The following FBN3 variants were observed in gnomAD, a reference collection of about 807,000 sequenced individuals.
FBN3 encodes the protein fibrillin 3.
Under a neutral mutation model 330.1 loss-of-function variants are expected in FBN3, and 234 were observed. The ratio of observed to expected loss-of-function variants is 0.71; its 90% confidence interval spans 0.64 to 0.79. The LOEUF (loss-of-function observed/expected upper bound fraction) is 0.79, where lower values mean the gene tolerates loss of function less well. Ranked by LOEUF, FBN3 falls within the 30% of genes least tolerant of loss-of-function variation. The pLI is 0.00. For synonymous variants in FBN3, 1,458 were observed against 1,517.3 expected, an observed-to-expected ratio of 0.96 and a Z score of 0.91; for missense variants, 3,606 against 3,886.9, an observed-to-expected ratio of 0.93 and a Z score of 1.92.
intron 63 of FBN3, among the ~76,000 whole-genome samples, chr19:8,069,542 C>G (rs1028935742): frequency 6.6e-6 from 1 of 152,164 alleles, no homozygotes; most frequent in Non-Finnish European, 1.5e-5. Context: ...GACTTATGCT[C>G]TTACTGACCC....
chr19:8,096,181 A>T lies in FBN3; in HGVS notation c.5540-101T>A. 1 of 959,812 alleles carries T rather than the reference A, an allele frequency of 1.0e-6. No homozygotes were observed. Among genetic ancestry groups the T allele is most frequent in the Non-Finnish European group, 1.7e-6 (1 of 594,354 alleles). 59.5% of individuals were successfully genotyped at this position (959,812 alleles called of 1,614,324 possible). A position where few individuals can be genotyped will look rare whatever the true frequency, so the allele number is the denominator to read the frequency against. ...GACCTAGCACTCCTCCCCTGCACCT[A>T]GCCCTGCCTAGATGACTGGGCAGTG... On this transcript the variant is annotated intron_variant, in intron 44 of 63. Coordinates refer to ENST00000600128, the MANE Select transcript of FBN3 (RefSeq NM_032447.5). This position sits in a 1 kb window ranked among gnomAD's most constrained non-coding sequence, Gnocchi z 4.6.
At position 8,138,278 on chromosome 19, in the gene FBN3, C is replaced by T. The variant is rs769165509; in HGVS notation, c.1064G>A (p.Gly355Asp). The T allele has an allele frequency of 3.1e-6, 5 of 1,612,762 alleles. No individual in the cohort carries two copies. The East Asian group carries it at 8.9e-5, about 29-fold the overall frequency. Residue 355 changes from glycine to aspartate, a missense_variant, in exon 10 of 64, where the codon GGC (glycine) becomes GAC (aspartate). By Grantham distance (94) the Gly-to-Asp change is moderately conservative. Transcript: ENST00000600128. ...LCAQRLPLLP[G>D]HPGLFPGLLG... ...GAGGCCAGGGAAGAGGCCAGGGTGG[C>T]CGGGTAGCAGCGGCAGCCGCTGGGC...
chr19:8,115,235 AT>A (rs1200623513), intron 30 of FBN3, among the ~76,000 whole-genome samples: 5 of 152,186 alleles, frequency 3.3e-5, no homozygotes, highest in Non-Finnish European at 7.3e-5. Context: ...CACTATTCAA[AT>A]GTTTAAGTGT....
Position 8,087,186 on chromosome 19 carries a change from C to T in FBN3, c.6645G>A (p.Gln2215=), listed in dbSNP as rs558244473. Residue 2215 remains glutamine (Q), a synonymous_variant, in exon 54 of 64, where the codon CAG becomes CAA. Coordinates refer to ENST00000600128, the MANE Select transcript of FBN3 (RefSeq NM_032447.5). ...CCATGCCCCGGGCGTGGCAGTCCTGCTGACCATCTGCACACTCGTCCACAT... is the reference window on the plus strand; with the variant it reads ...CCATGCCCCGGGCGTGGCAGTCCTGTTGACCATCTGCACACTCGTCCACAT... ...CRDVDECADG[Q]QDCHARGMEC... The T allele has an allele frequency of 1.2e-6, 2 of 1,603,958 alleles. No homozygotes were observed. Among genetic ancestry groups the T allele is most frequent in the South Asian group, 2.2e-5 (2 of 90,402 alleles).
Position 8,091,460 on chromosome 19 carries a change from CT to C in FBN3, c.6031+4del. 1 of 1,614,094 alleles carries C rather than the reference CT, an allele frequency of 6.2e-7. No individual in the cohort carries two copies. Among genetic ancestry groups the C allele is most frequent in the South Asian group, 1.1e-5 (1 of 91,080 alleles). ...CCCTCTTCCCTAAGCCCTGTGTGGA[CT>C]TACCAAAGCAACGGTGCCCATTGTC... is the stretch of plus-strand genomic sequence containing the variant. On this transcript the variant is annotated splice_donor_region_variant and intron_variant, in intron 48 of 63. Transcript: ENST00000600128.
At chr19:8,143,497 C>CTTTTTTTTTTTTTTTTTTTTT (rs557671451) in intron 6 of FBN3, among the ~76,000 whole-genome samples, 2 of 126,100 alleles carry the variant, frequency 1.6e-5, no homozygotes, top group African/African-American at 3.1e-5. Flanking sequence ...CTTTTCTTTT[C>CTTTTTTTTTTTTTTTTTTTTT]TTTTTTTTTT....
chr19:8,145,943 G>A lies in FBN3; in HGVS notation c.350-5C>T, dbSNP rs2083533382. 1.9e-6 allele frequency: 3 copies of A among 1,550,678 alleles called. No homozygotes were observed. Among genetic ancestry groups the A allele is most frequent in the Non-Finnish European group, 2.6e-6 (3 of 1,146,516 alleles). ...AGCTCACACTGCACCCTGACCCTGG[G>A]GACAGGAAGGCAGGACGCATAGTAA... On this transcript the variant is annotated splice_polypyrimidine_tract_variant and splice_region_variant and intron_variant, in intron 4 of 63. Coordinates refer to ENST00000600128, the MANE Select transcript of FBN3 (RefSeq NM_032447.5).
At chr19:8,108,057 A>T (rs1302667467) in intron 37 of FBN3, 113 bp downstream of exon 37, 1 of 807,656 alleles carries the variant, frequency 1.2e-6, no homozygotes, top group East Asian at 2.7e-5. Context: ...AGGTGGAAAG[A>T]TCTGCCCCAT....
At position 8,072,129 on chromosome 19, in the gene FBN3, C is replaced by A; in HGVS notation, c.8007G>T (p.Ser2669=). 1 of 1,609,450 alleles carries A rather than the reference C, an allele frequency of 6.2e-7. No individual in the cohort carries two copies. Among genetic ancestry groups the A allele is most frequent in the Non-Finnish European group, 8.5e-7 (1 of 1,178,278 alleles). The change falls in exon 63 of 64, where the codon TCG becomes TCT. Residue 2669 remains serine (S), a synonymous_variant. Coordinates refer to ENST00000600128, the MANE Select transcript of FBN3 (RefSeq NM_032447.5). ...QDTPDKEELL[S]SEACYECKIN... ...TCTTGCATTCGTAGCAGGCTTCAGA[C>A]GAGAGCAGCTCCTCTTTGTCCGGGG...
intron 13 of FBN3, 25 bp downstream of exon 13, chr19:8,135,936 G>GGGGGGGGGCGGGCCCCCCCCCCCCC: frequency 1.5e-6 from 1 of 668,778 alleles, no homozygotes; most frequent in Non-Finnish European, 2.4e-6. Flanking sequence ...GGAAGCCCCT[G>GGGGGGGGGCGGGCCCCCCCCCCCCC]CCCACCCGCC....
intron 1 of FBN3, chr19:8,147,879 G>A (rs902712048): frequency 6.2e-6 from 1 of 162,050 alleles, no homozygotes; most frequent in East Asian, 1.7e-4. Context: ...TGAGTGGGAG[G>A]AGCAAGGTCA....
At position 8,097,313 on chromosome 19, in the gene FBN3, TG is replaced by T. The variant is rs1362445014; in HGVS notation, c.5262del (p.Tyr1754Ter). 6 of 1,609,742 alleles carry T rather than the reference TG, an allele frequency of 3.7e-6. No homozygotes were observed. Among genetic ancestry groups the T allele is most frequent in the Admixed American group, 3.3e-5 (2 of 59,764 alleles). On this transcript the variant is annotated frameshift_variant, in exon 42 of 64. Coordinates refer to ENST00000600128, the MANE Select transcript of FBN3 (RefSeq NM_032447.5). LOFTEE classifies it high-confidence loss of function. ...CCTTCACAAGCCAGCAGGATGCTGT[TG>T]TAGTTGAAGCCTGCGGGGCACTCGC... is the stretch of plus-strand genomic sequence containing the variant. Reference protein sequence around the residue: ...FRCECPAGFNYNSILLACEDV... With the variant: ...FRCECPAGFNXNSILLACEDV...
chr19:8,083,810 T>C (rs78830562), intron 56 of FBN3, among the ~76,000 whole-genome samples: 20 of 105,218 alleles, frequency 1.9e-4, no homozygotes, highest in South Asian at 5.8e-4. Context: ...TTTTTCTTTT[T>C]TTTTTTTTTT....
chr19:8,134,394 T>C (rs1448291356), intron 13 of FBN3, among the ~76,000 whole-genome samples: 6 of 152,212 alleles, frequency 3.9e-5, no homozygotes, highest in South Asian at 2.1e-4. Context: ...TCTATTCATG[T>C]AATGGAACAT....
chr19:8,079,589 A>ATTGT (rs113805006), intron 59 of FBN3, among the ~76,000 whole-genome samples: 3,615 of 150,766 alleles, frequency 0.024, 62 homozygotes, highest in Non-Finnish European at 0.037. Context: ...TATTCTGTTA[A>ATTGT]TTGTTTGTTT....
chr19:8,089,468 G>A (rs2082043360), intron 51 of FBN3, 77 bp downstream of exon 51: 1 of 1,559,004 alleles, frequency 6.4e-7, no homozygotes, highest in South Asian at 1.2e-5. Context: ...GCCTGGGGGT[G>A]TCTTCCCTGC....
At chr19:8,126,914 C>T (rs531774012) in intron 18 of FBN3, 82 bp from the exon 19 acceptor site, 733 of 1,477,314 alleles carry the variant, frequency 5.0e-4, no homozygotes, top group African/African-American at 3.0e-3. Flanking sequence ...CCCAAGGGGC[C>T]GCCGCAACCG....
Position 8,126,564 on chromosome 19 carries a change from G to T in FBN3, c.2458C>A (p.Arg820Ser), listed in dbSNP as rs375116459. ...GTCWLKIQES[R>S]CEVNLQGASL... Reference sequence around the variant, plus strand: ...GCTCCCTGAAGGTTCACCTCACAGCGGCTCTCCTGGATCTTCAGCCAGCAG... The same window carrying T: ...GCTCCCTGAAGGTTCACCTCACAGCTGCTCTCCTGGATCTTCAGCCAGCAG... The change falls in exon 20 of 64, where the codon CGC becomes AGC. Residue 820 changes from arginine (R) to serine (S), a missense_variant. Physicochemically the swap from Arg to Ser is moderately radical, Grantham distance 110. Coordinates refer to ENST00000600128, the MANE Select transcript of FBN3 (RefSeq NM_032447.5). 8.1e-6 allele frequency: 13 copies of T among 1,611,582 alleles called. No individual in the cohort carries two copies. The African/African-American group carries it at 1.5e-4, about 18-fold the overall frequency.
At chr19:8,123,698 CCAAA>C in intron 23 of FBN3, 82 bp downstream of exon 23, 2 of 1,593,662 alleles carry the variant, frequency 1.3e-6, no homozygotes, top group South Asian at 1.1e-5. Context: ...CCCTTTTCCC[CCAAA>C]CACACTTCCC....
Sources: gnomAD v4.1 joint callset for allele counts (sites outside exome capture counted in the v4.1 genomes callset) on GRCh38, gnomAD v4.1.1 for gene constraint, Gnocchi (gnomAD v3.1) non-coding constraint, MANE v1.5 for transcripts, NCBI Gene and HGNC (gene_info 2026-07-23, HGNC 2026-07-21) for gene names.